The following CERKL variants were observed in gnomAD, a reference collection of about 807,000 sequenced individuals.
The protein encoded by CERKL is CERK like autophagy regulator.
CERKL carries 61 observed loss-of-function variants against 63.4 expected under a neutral mutation model. The ratio of observed to expected loss-of-function variants is 0.96; its 90% CI spans 0.78 to 1.19. The LOEUF is 1.19. Among genes scored for constraint, CERKL ranks in the 50% most tolerant of loss-of-function variants. The pLI, the probability that CERKL is intolerant of heterozygous loss-of-function variation, is 0.00. For synonymous variants in CERKL, 250 were observed against 230.5 expected (o/e 1.08, Z -0.77); for missense variants, 675 against 655.5 (o/e 1.03, Z -0.33).
Position 181,656,766 on chromosome 2 carries a change from C to T in CERKL, c.238+3G>A. 3.1e-6 allele frequency: 5 copies of T among 1,589,022 alleles called. No individual in the cohort carries two copies. Among genetic ancestry groups the T allele is most frequent in the Non-Finnish European group, 4.3e-6 (5 of 1,167,086 alleles). The stretch of plus-strand genomic sequence containing the variant: ...GCGAAGACGCTTGGGGCCGGGCACT[C>T]ACCCGCCGGGCGCTCGGGCTGAATG... On this transcript the variant is annotated splice_donor_region_variant and intron_variant, in intron 1 of 12. Transcript: ENST00000410087.
chr2:181,537,827 G>T lies in CERKL; in HGVS notation c.*357C>A, dbSNP rs904029656. 1 of 481,242 alleles carries T rather than the reference G, an allele frequency of 2.1e-6. No homozygotes were observed. Among genetic ancestry groups the T allele is most frequent in the African/African-American group, 2.0e-5 (1 of 51,252 alleles). The allele number at this position is 481,242 out of a possible 1,614,324, so 29.8% of individuals were successfully genotyped here. On this transcript the variant is annotated 3_prime_UTR_variant, in exon 13 of 13. Coordinates refer to ENST00000410087, the MANE Select transcript of CERKL (RefSeq NM_201548.5). ...TTAAAGCCCTAGAGGCTAATTGTTA[G>T]TAACATCAATTTCTATTAGGATATC...
intron 1 of CERKL, among the ~76,000 whole-genome samples, chr2:181,639,946 G>A (rs1687348261): frequency 6.6e-6 from 1 of 152,166 alleles, no homozygotes; most frequent in South Asian, 2.1e-4. Context: ...GTAGTTTCCA[G>A]AACACTGTTT....
intron 1 of CERKL, among the ~76,000 whole-genome samples, chr2:181,647,115 T>C (rs1687702304): frequency 6.6e-6 from 1 of 152,138 alleles, no homozygotes; most frequent in Admixed American, 6.5e-5. Flanking sequence ...AATTTCTAGA[T>C]GAAGCTGAAG....
At chr2:181,612,656 TG>T (rs1165887854) in intron 1 of CERKL, among the ~76,000 whole-genome samples, 1 of 152,120 alleles carries the variant, frequency 6.6e-6, no homozygotes, top group African/African-American at 2.4e-5. Flanking sequence ...AAAAAACTAA[TG>T]TATGACTCTC....
intron 1 of CERKL, among the ~76,000 whole-genome samples, chr2:181,638,596 G>A (rs892194191): frequency 2.0e-5 from 3 of 152,260 alleles, no homozygotes; most frequent in South Asian, 2.1e-4. Context: ...TGGATGCTAG[G>A]ATCCATCTTT....
At chr2:181,573,351 C>T (rs1688989534) in intron 3 of CERKL, among the ~76,000 whole-genome samples, 1 of 152,056 alleles carries the variant, frequency 6.6e-6, no homozygotes, top group Non-Finnish European at 1.5e-5. Context: ...GGGTCAGAGT[C>T]AGAACGAAAA....
chr2:181,650,604 C>A (rs1399481108), intron 1 of CERKL, among the ~76,000 whole-genome samples: 1 of 151,864 alleles, frequency 6.6e-6, no homozygotes, highest in Non-Finnish European at 1.5e-5. Flanking sequence ...ACTAAAAATA[C>A]AAAATTAGCT....
intron 3 of CERKL, among the ~76,000 whole-genome samples, 182 bp downstream of exon 3, chr2:181,573,571 T>G (rs1688999186): frequency 6.6e-6 from 1 of 152,152 alleles, no homozygotes; most frequent in African/African-American, 2.4e-5. Flanking sequence ...ATTAATATTC[T>G]AATAAAAATA....
intron 5 of CERKL, among the ~76,000 whole-genome samples, chr2:181,551,684 A>C (rs1225205855): frequency 1.3e-5 from 2 of 152,178 alleles, no homozygotes; most frequent in Admixed American, 1.3e-4. Flanking sequence ...AAATGGGAAT[A>C]CTTTTACACT....
Position 181,558,453 on chromosome 2 carries a change from C to A in CERKL, c.820+113G>T. The A allele has an allele frequency of 1.7e-6, 2 of 1,197,066 alleles. No individual in the cohort carries two copies. The highest frequency in any genetic ancestry group is 2.5e-6 in the Non-Finnish European group (2 of 815,068). 74.2% of individuals were successfully genotyped at this position (1,197,066 alleles called of 1,614,324 possible). On this transcript the variant is annotated intron_variant, in intron 5 of 12. Transcript: ENST00000410087. This position sits in a 1 kb window ranked among gnomAD's most constrained non-coding sequence, Gnocchi z 4.2. ...ATTTGCTAGTGGGGATGCCAGAAGTCTGGATCTTTCAAAGTCTGTTCATTA... is the reference window on the plus strand; with the variant it reads ...ATTTGCTAGTGGGGATGCCAGAAGTATGGATCTTTCAAAGTCTGTTCATTA...
intron 4 of CERKL, among the ~76,000 whole-genome samples, chr2:181,564,913 A>G: frequency 6.6e-6 from 1 of 152,184 alleles, no homozygotes; most frequent in Non-Finnish European, 1.5e-5. Flanking sequence ...CTCTAAGTAT[A>G]AAGTTCTGAA....
chr2:181,561,735 A>G (rs1688454885), intron 4 of CERKL, among the ~76,000 whole-genome samples: 1 of 152,144 alleles, frequency 6.6e-6, no homozygotes, highest in African/African-American at 2.4e-5. Context: ...CTGAAGCCTG[A>G]TATCTGGAGG....
At chr2:181,645,691 T>A (rs185302350) in intron 1 of CERKL, among the ~76,000 whole-genome samples, 10 of 152,372 alleles carry the variant, frequency 6.6e-5, no homozygotes, top group Admixed American at 2.6e-4. Flanking sequence ...TCTTTCACTA[T>A]GCCCTTTTGG....
At chr2:181,589,429 A>G (rs1006810448) in intron 2 of CERKL, among the ~76,000 whole-genome samples, 5 of 152,318 alleles carry the variant, frequency 3.3e-5, no homozygotes, top group African/African-American at 4.8e-5. Context: ...CATAATAGTA[A>G]TATTATTGCC....
intron 4 of CERKL, among the ~76,000 whole-genome samples, chr2:181,563,258 C>T (rs916622728): frequency 6.6e-6 from 1 of 151,990 alleles, no homozygotes; most frequent in African/African-American, 2.4e-5. Context: ...AACTAGCTGT[C>T]ATAAGTGCTG....
At position 181,645,858 on chromosome 2, in the gene CERKL, T is replaced by C. The variant is rs563263492; in HGVS notation, c.238+10911A>G. Among the ~76,000 whole-genome samples the C allele has an allele frequency of 3.9e-5, 6 of 152,340 alleles. No individual in the cohort carries two copies. The East Asian group carries it at 1.2e-3, about 29-fold the overall frequency. On this transcript the variant is annotated intron_variant, in intron 1 of 12. Coordinates refer to ENST00000410087, the MANE Select transcript of CERKL (RefSeq NM_201548.5). ...TTTTTCCTATTAGGACAGTCACTAA[T>C]ATAACAGACAAATCCTTGCCATCTT...
At position 181,619,226 on chromosome 2, in the gene CERKL, G is replaced by C. The variant is rs572563151; in HGVS notation, c.239-15147C>G. ...TGTCCACTTCCATCTCAGTCCCTCA[G>C]GAAAAACATTTATAAATGTATAGGG... On this transcript the variant is annotated intron_variant, in intron 1 of 12. Coordinates refer to ENST00000410087, the MANE Select transcript of CERKL (RefSeq NM_201548.5). Among the ~76,000 whole-genome samples the C allele has an allele frequency of 5.9e-5, 9 of 151,938 alleles. No homozygotes were observed. In the South Asian group the frequency reaches 1.9e-3, roughly 32 times the overall value.
chr2:181,544,095 A>C (rs1229808479), intron 11 of CERKL, among the ~76,000 whole-genome samples: 5 of 152,138 alleles, frequency 3.3e-5, no homozygotes, highest in African/African-American at 1.2e-4. Context: ...TAGTTCAAGG[A>C]TCATTTTCCT....
chr2:181,621,391 C>T (rs1686441904), intron 1 of CERKL, among the ~76,000 whole-genome samples: 1 of 152,016 alleles, frequency 6.6e-6, no homozygotes, highest in Non-Finnish European at 1.5e-5. Context: ...AATATGATAC[C>T]CTACAACGTA....
Sources: gnomAD v4.1 joint callset for allele counts (sites outside exome capture counted in the v4.1 genomes callset) on GRCh38, gnomAD v4.1.1 for gene constraint, Gnocchi (gnomAD v3.1) non-coding constraint, MANE v1.5 for transcripts, NCBI Gene and HGNC (gene_info 2026-07-23, HGNC 2026-07-21) for gene names.